The following AAMDC variants were observed in gnomAD, a reference collection of about 807,000 sequenced individuals.
The protein encoded by AAMDC is mth938 domain-containing protein.
A neutral mutation model predicts 15.5 loss-of-function variants in AAMDC; 16 were observed. The ratio of observed to expected loss-of-function variants is 1.03; its 90% confidence interval spans 0.70 to 1.57. The LOEUF is 1.57. AAMDC is among the 40% of genes most tolerant of loss of function. AAMDC has a pLI of 0.00. For missense variants in AAMDC, 141 were observed against 144.9 expected (o/e 0.97, Z 0.14); for synonymous variants, 51 against 51.6 (o/e 0.99, Z 0.05).
downstream of AAMDC, among the ~76,000 whole-genome samples, chr11:77,876,744 T>C (rs1951605429): frequency 6.7e-6 from 1 of 149,526 alleles, no homozygotes; most frequent in Non-Finnish European, 1.5e-5. Context: ...TAAGACAGGA[T>C]CAAGTCCTGG....
chr11:77,870,562 C>A (rs985128215), intron 3 of AAMDC, among the ~76,000 whole-genome samples: 7 of 152,164 alleles, frequency 4.6e-5, no homozygotes, highest in Middle Eastern at 6.8e-3. Flanking sequence ...TGGTCTTGAT[C>A]TCCTGACCTC....
At chr11:77,883,892 G>A in intron 5 of AAMDC, 1 of 1,613,102 alleles carries the variant, frequency 6.2e-7, no homozygotes, top group Non-Finnish European at 8.5e-7. Flanking sequence ...CCTGGGCCAG[G>A]ATTCCGGAAG....
At chr11:77,858,998 A>G (rs1950761266) in intron 2 of AAMDC, among the ~76,000 whole-genome samples, 1 of 152,222 alleles carries the variant, frequency 6.6e-6, no homozygotes, top group African/African-American at 2.4e-5. Context: ...ATAGTTTTGA[A>G]AAGGCCTGGT....
At chr11:77,886,492 G>C (rs1421302552) in intron 5 of AAMDC, among the ~76,000 whole-genome samples, 1 of 151,808 alleles carries the variant, frequency 6.6e-6, no homozygotes, top group Non-Finnish European at 1.5e-5. Flanking sequence ...GAATGTCAAA[G>C]TGAAGAAATT....
At chr11:77,859,602 G>A (rs1192431661) in intron 2 of AAMDC, among the ~76,000 whole-genome samples, 5 of 152,114 alleles carry the variant, frequency 3.3e-5, no homozygotes, top group African/African-American at 9.7e-5. Flanking sequence ...TGGAGTGAGG[G>A]GATTACTTTC....
At chr11:77,881,299 C>T (rs1304958626) in intron 5 of AAMDC, among the ~76,000 whole-genome samples, 1 of 152,202 alleles carries the variant, frequency 6.6e-6, no homozygotes, top group East Asian at 1.9e-4. Flanking sequence ...GACTGAGCTT[C>T]CTACGTGGCA....
At chr11:77,869,312 C>CT (rs1209578429) in intron 2 of AAMDC, 17,197 of 126,818 alleles carry the variant, frequency 0.14, 1,400 homozygotes, top group African/African-American at 0.16. Flanking sequence ...ATCTCTTTTT[C>CT]TTTTTTTTTT....
downstream of AAMDC, among the ~76,000 whole-genome samples, chr11:77,902,087 A>T (rs571861677): frequency 6.6e-6 from 1 of 152,250 alleles, no homozygotes; most frequent in South Asian, 2.1e-4. Flanking sequence ...CAAATAAGCG[A>T]TTTTCATCAA....
At chr11:77,846,858 A>G (rs1950169744) in intron 2 of AAMDC, among the ~76,000 whole-genome samples, 1 of 152,140 alleles carries the variant, frequency 6.6e-6, no homozygotes, top group Non-Finnish European at 1.5e-5. Flanking sequence ...CTTTATTTGT[A>G]GGAACCCTGA....
chr11:77,892,980 G>A (rs1952342763), intron 5 of AAMDC, among the ~76,000 whole-genome samples: 1 of 152,204 alleles, frequency 6.6e-6, no homozygotes, highest in African/African-American at 2.4e-5. Flanking sequence ...CCTGTAAGAA[G>A]CTATCATCAC....
intron 2 of AAMDC, among the ~76,000 whole-genome samples, chr11:77,858,770 G>A (rs562615606): frequency 1.3e-5 from 2 of 152,312 alleles, no homozygotes; most frequent in Admixed American, 6.5e-5. Context: ...ATTAACATCA[G>A]AGCATGGGCT....
chr11:77,823,684 G>A (rs1378412603), intron 1 of AAMDC, among the ~76,000 whole-genome samples: 1 of 150,342 alleles, frequency 6.7e-6, no homozygotes, highest in Non-Finnish European at 1.5e-5. Flanking sequence ...ACAGTTTTGT[G>A]GAAACATACA....
chr11:77,872,484 G>A (rs1951476735), downstream of AAMDC: 1 of 669,332 alleles, frequency 1.5e-6, no homozygotes. Context: ...GTCCTTGAGG[G>A]TGCTAAAAGA....
At chr11:77,877,113 A>G (rs527473048), downstream of AAMDC, 41 of 689,494 alleles carry the variant, frequency 5.9e-5, no homozygotes, top group South Asian at 5.5e-4. Context: ...CCTCTTTCGC[A>G]CTCATGACCT....
At position 77,872,171 on chromosome 11, in the gene AAMDC, C is replaced by T. The variant is rs773314104; in HGVS notation, c.229-4C>T. On this transcript the variant is annotated splice_polypyrimidine_tract_variant and splice_region_variant and intron_variant, in intron 3 of 3. Coordinates refer to ENST00000393427, the MANE Select transcript of AAMDC (RefSeq NM_024684.4). ...ACTTACTCATCTCTTTTCCACCTTC[C>T]CAGGTGCCTTCATCAACTGTGGAGT... is the stretch of plus-strand genomic sequence containing the variant. 3.1e-6 allele frequency: 5 copies of T among 1,611,456 alleles called. No homozygotes were observed. The highest frequency in any genetic ancestry group is 1.7e-4 in the Middle Eastern group (1 of 5,988).
At chr11:77,881,218 TGAGA>T (rs1951780068) in intron 5 of AAMDC, among the ~76,000 whole-genome samples, 1 of 152,200 alleles carries the variant, frequency 6.6e-6, no homozygotes, top group Non-Finnish European at 1.5e-5. Flanking sequence ...CTCATCTTAA[TGAGA>T]CAGGGAAGTA....
chr11:77,875,041 C>CAA (rs397791397), downstream of AAMDC, among the ~76,000 whole-genome samples: 13,012 of 120,712 alleles, frequency 0.11, 833 homozygotes, highest in Admixed American at 0.21. Context: ...GACTCCATCT[C>CAA]AAAAAAAAAA....
At chr11:77,824,556 C>T (rs1456896464) in intron 1 of AAMDC, among the ~76,000 whole-genome samples, 1 of 152,160 alleles carries the variant, frequency 6.6e-6, no homozygotes, top group African/African-American at 2.4e-5. Context: ...GTAATACACA[C>T]TGTTGATATA....
chr11:77,872,438 C>CCTG, downstream of AAMDC: 1 of 1,204,166 alleles, frequency 8.3e-7, no homozygotes, highest in Non-Finnish European at 1.1e-6. Context: ...CTGTGCTAGG[C>CCTG]TCTTGGGATG....
Sources: allele counts gnomAD v4.1 joint callset (sites outside exome capture counted in the v4.1 genomes callset), GRCh38; gene constraint gnomAD v4.1.1; transcripts MANE v1.5; gene names NCBI Gene and HGNC (gene_info 2026-07-23, HGNC 2026-07-21).